The following FNDC1 variants were observed in gnomAD, a reference collection of about 807,000 sequenced individuals.
FNDC1 encodes the protein fibronectin type III domain-containing protein 1.
FNDC1 carries 96 observed loss-of-function variants against 168.0 expected under a neutral mutation model. The ratio of observed to expected loss-of-function variants is 0.57; its 90% CI spans 0.48 to 0.68. FNDC1 has a LOEUF of 0.68. FNDC1 is among the 30% of genes least tolerant of loss of function. FNDC1 has a pLI of 0.00. For missense variants in FNDC1, 2,587 were observed against 2,482.1 expected, an observed-to-expected ratio of 1.04 and a Z score of -0.90; for synonymous variants, 1,099 against 1,025.9, an observed-to-expected ratio of 1.07 and a Z score of -1.36.
chr6:159,201,554 A>G (rs1047980604), intron 4 of FNDC1, among the ~76,000 whole-genome samples: 2 of 152,242 alleles, frequency 1.3e-5, no homozygotes, highest in Non-Finnish European at 2.9e-5. Flanking sequence ...AGAACGAGAC[A>G]TGGACTTAGG....
chr6:159,235,237 A>G (rs1390081968), intron 11 of FNDC1, among the ~76,000 whole-genome samples: 3 of 152,322 alleles, frequency 2.0e-5, no homozygotes, highest in African/African-American at 7.2e-5. Flanking sequence ...CATTTACCAT[A>G]AATTTGCATT....
chr6:159,242,945 T>G (rs536512238), intron 14 of FNDC1, among the ~76,000 whole-genome samples: 2 of 152,368 alleles, frequency 1.3e-5, no homozygotes, highest in Non-Finnish European at 2.9e-5. Flanking sequence ...ATTTGGGTTA[T>G]TTCCACTTTT....
At chr6:159,185,140 AAG>A (rs1423946154) in intron 1 of FNDC1, among the ~76,000 whole-genome samples, 3 of 151,738 alleles carry the variant, frequency 2.0e-5, no homozygotes, top group Non-Finnish European at 4.4e-5. Flanking sequence ...CAAAATGGCC[AAG>A]AACTTTAAAA....
chr6:159,202,310 G>A (rs1208470169), intron 4 of FNDC1, among the ~76,000 whole-genome samples: 1 of 152,160 alleles, frequency 6.6e-6, no homozygotes, highest in Non-Finnish European at 1.5e-5. Context: ...ACATTTCATT[G>A]TTAATAAAAA....
intron 1 of FNDC1, among the ~76,000 whole-genome samples, chr6:159,191,000 A>G (rs749431640): frequency 1.3e-5 from 2 of 152,242 alleles, no homozygotes; most frequent in Non-Finnish European, 2.9e-5. Flanking sequence ...TACAGGAAGC[A>G]AGGCTAGGAG....
intron 14 of FNDC1, among the ~76,000 whole-genome samples, chr6:159,245,128 A>G (rs1449026867): frequency 2.0e-5 from 3 of 152,142 alleles, no homozygotes; most frequent in Non-Finnish European, 4.4e-5. Flanking sequence ...TTTACTCACT[A>G]TCATGAGAAC....
intron 4 of FNDC1, among the ~76,000 whole-genome samples, chr6:159,214,295 T>C (rs1461572473): frequency 6.6e-6 from 1 of 152,218 alleles, no homozygotes; most frequent in Admixed American, 6.5e-5. Context: ...GGAAAGTTTA[T>C]AGTGAGGGCA....
chr6:159,231,426 C>T (rs544346799), intron 10 of FNDC1, among the ~76,000 whole-genome samples: 5 of 152,314 alleles, frequency 3.3e-5, no homozygotes, highest in African/African-American at 1.2e-4. Flanking sequence ...ACACATTCCC[C>T]ATCACTTTGA....
intron 12 of FNDC1, among the ~76,000 whole-genome samples, chr6:159,238,353 G>A (rs1480723322): frequency 6.6e-6 from 1 of 152,116 alleles, no homozygotes; most frequent in African/African-American, 2.4e-5. Context: ...CCAAAGTGCT[G>A]GGATTACAAG....
intron 18 of FNDC1, among the ~76,000 whole-genome samples, chr6:159,260,456 G>T (rs1004808231): frequency 3.9e-5 from 6 of 152,166 alleles, no homozygotes; most frequent in African/African-American, 1.2e-4. Flanking sequence ...TAGCCCTACA[G>T]AAAAGCCTCT....
intron 1 of FNDC1, among the ~76,000 whole-genome samples, chr6:159,194,115 CAAAG>C (rs926425811): frequency 7.2e-5 from 11 of 152,184 alleles, no homozygotes; most frequent in African/African-American, 2.4e-4. Flanking sequence ...TGTCTCCACT[CAAAG>C]ACAGTCTTGA....
At position 159,234,259 on chromosome 6, in the gene FNDC1, C is replaced by A; in HGVS notation, c.3747C>A (p.Gly1249=). The part of the protein sequence containing the change: ...PVKRPLPPPP[G]SSPRASHVPS... ...AGCGACCTCTCCCCCCACCTCCAGG[C>A]AGCTCCCCCAGGGCCTCCCACGTCC... The change falls in exon 11 of 23, where the codon GGC becomes GGA. Residue 1249 remains glycine, a synonymous_variant. Coordinates refer to ENST00000297267, the MANE Select transcript of FNDC1 (RefSeq NM_032532.3). 2 of 1,592,444 alleles carry A rather than the reference C, an allele frequency of 1.3e-6. No individual in the cohort carries two copies. Among genetic ancestry groups the A allele is most frequent in the Non-Finnish European group, 1.7e-6 (2 of 1,169,522 alleles).
chr6:159,271,590 T>C lies in FNDC1; in HGVS notation c.*148T>C. 1 of 620,564 alleles carries C rather than the reference T, an allele frequency of 1.6e-6. No homozygotes were observed. Among genetic ancestry groups the C allele is most frequent in the Non-Finnish European group, 3.0e-6 (1 of 338,052 alleles). The allele number at this position is 620,564 out of a possible 1,614,324, so 38.4% of individuals were successfully genotyped here. On this transcript the variant is annotated 3_prime_UTR_variant, in exon 23 of 23. Coordinates refer to ENST00000297267, the MANE Select transcript of FNDC1 (RefSeq NM_032532.3). ...AGATGGACACTGGCCATTCTGGTCATCTCAGTCTGGAACTCAGTCCCACTT... is the reference window on the plus strand; with the variant it reads ...AGATGGACACTGGCCATTCTGGTCACCTCAGTCTGGAACTCAGTCCCACTT...
chr6:159,205,617 C>T (rs764373871), intron 4 of FNDC1, among the ~76,000 whole-genome samples: 2 of 152,208 alleles, frequency 1.3e-5, no homozygotes, highest in African/African-American at 4.8e-5. Context: ...TGGGATTCAA[C>T]AAGAGGCTTC....
In FNDC1 at chr6:159,215,058, C is replaced by T. The variant is rs562863779; in HGVS notation, c.574C>T (p.Arg192Trp). Residue 192 changes from arginine to tryptophan, a missense_variant, in exon 5 of 23, where the codon CGG (arginine) becomes TGG (tryptophan). Arg to Trp is a moderately radical substitution (Grantham distance 101, BLOSUM62 -3). Coordinates refer to ENST00000297267, the MANE Select transcript of FNDC1 (RefSeq NM_032532.3). The stretch of plus-strand genomic sequence containing the variant: ...TGGAGCCAAGAGTCCACGCAGATCA[C>T]GGGGTTTTCTCCTGGGCTACGGGGA... ...LSGAKSPRRS[R>W]GFLLGYGESG... 64 of 1,614,006 alleles carry T rather than the reference C, an allele frequency of 4.0e-5. 1 individual carries two copies. In the South Asian group the frequency reaches 5.1e-4, roughly 13 times the overall value.
At chr6:159,250,457 CCAGA>C (rs1777229310) in intron 16 of FNDC1, among the ~76,000 whole-genome samples, 1 of 152,204 alleles carries the variant, frequency 6.6e-6, no homozygotes, top group Non-Finnish European at 1.5e-5. Flanking sequence ...TCAGAAATTG[CCAGA>C]CATTGTTACT....
intron 18 of FNDC1, among the ~76,000 whole-genome samples, chr6:159,258,877 C>G (rs1320787648): frequency 2.0e-5 from 3 of 152,188 alleles, no homozygotes; most frequent in South Asian, 2.1e-4. Flanking sequence ...TCTTGAGAAG[C>G]CAGCTTCTGA....
At chr6:159,191,065 C>T (rs974267719) in intron 1 of FNDC1, among the ~76,000 whole-genome samples, 3 of 152,162 alleles carry the variant, frequency 2.0e-5, no homozygotes, top group Admixed American at 1.3e-4. Context: ...AGAACGTCTA[C>T]GATGGTGGAG....
chr6:159,195,317 G>A (rs1782221351), intron 1 of FNDC1, among the ~76,000 whole-genome samples: 1 of 151,574 alleles, frequency 6.6e-6, no homozygotes, highest in African/African-American at 2.4e-5. Context: ...CCAGAAGAGA[G>A]AGGTCGATGA....
Sources: allele counts gnomAD v4.1 joint callset (sites outside exome capture counted in the v4.1 genomes callset), GRCh38; gene constraint gnomAD v4.1.1; transcripts MANE v1.5; gene names NCBI Gene and HGNC (gene_info 2026-07-23, HGNC 2026-07-21).